Variants in TDRD9 observed in about 807,000 individuals in gnomAD.
TDRD9 encodes the protein ATP-dependent RNA helicase TDRD9.
In TDRD9, 124 loss-of-function variants were observed where a neutral mutation model predicts 172.6. That is an observed-to-expected ratio of 0.72 (90% CI 0.62 to 0.83). TDRD9 has a LOEUF of 0.83. Ranked by LOEUF, TDRD9 falls within the 40% of genes least tolerant of loss-of-function variation. TDRD9 has a pLI of 0.00. For synonymous variants in TDRD9, 619 were observed against 617.1 expected, an observed-to-expected ratio of 1.00 and a Z score of -0.05; for missense variants, 1,479 against 1,714.1, an observed-to-expected ratio of 0.86 and a Z score of 2.42.
chr14:104,037,159 G>T (rs2035474744), intron 32 of TDRD9, among the ~76,000 whole-genome samples: 1 of 152,116 alleles, frequency 6.6e-6, no homozygotes, highest in South Asian at 2.1e-4. Context: ...TCTGCAGCGA[G>T]CAGGAGGGGG....
intron 34 of TDRD9, among the ~76,000 whole-genome samples, chr14:104,043,789 A>G (rs2035679890): frequency 6.6e-6 from 1 of 152,184 alleles, no homozygotes; most frequent in Non-Finnish European, 1.5e-5. Context: ...TGTCAACACA[A>G]CCTAGCTCTT....
At chr14:103,994,805 A>T (rs559098929) in intron 11 of TDRD9, among the ~76,000 whole-genome samples, 67 of 152,206 alleles carry the variant, frequency 4.4e-4, no homozygotes, top group African/African-American at 1.6e-3. Context: ...AAATATAAAA[A>T]TTACCTGAGT....
intron 1 of TDRD9, among the ~76,000 whole-genome samples, chr14:103,951,859 C>G (rs529969567): frequency 1.3e-5 from 2 of 151,576 alleles, no homozygotes; most frequent in Non-Finnish European, 1.5e-5. Context: ...CTCCGCCTCC[C>G]GAGTTCACGC....
chr14:103,977,075 T>C (rs1289692106), intron 7 of TDRD9, among the ~76,000 whole-genome samples: 2 of 152,184 alleles, frequency 1.3e-5, no homozygotes, highest in Non-Finnish European at 2.9e-5. Context: ...AATATCTCAA[T>C]ATGGTTTGGA....
intron 33 of TDRD9, among the ~76,000 whole-genome samples, chr14:104,040,648 C>T (rs1356318130): frequency 6.6e-6 from 1 of 152,238 alleles, no homozygotes; most frequent in Non-Finnish European, 1.5e-5. Flanking sequence ...CTGTGGGTCT[C>T]ATTCCAAGTC....
In TDRD9 at chr14:104,033,956, T is replaced by G. The variant is rs550290342; in HGVS notation, c.3510-4T>G. 7.8e-6 allele frequency: 12 copies of G among 1,541,304 alleles called. No homozygotes were observed. The South Asian group carries it at 1.3e-4, about 17-fold the overall frequency. ...CCCCATCTCCTGGTGCTCCTGCCTT[T>G]TAGGTGTGTTTGGATTGAGAAGGAG... On this transcript the variant is annotated splice_polypyrimidine_tract_variant and splice_region_variant and intron_variant, in intron 30 of 35. Coordinates refer to ENST00000409874, the MANE Select transcript of TDRD9 (RefSeq NM_153046.3).
chr14:103,978,577 T>C (rs2152174494), intron 7 of TDRD9, among the ~76,000 whole-genome samples: 1 of 152,324 alleles, frequency 6.6e-6, no homozygotes, highest in African/African-American at 2.4e-5. Context: ...TCCTCTTGGC[T>C]GTGGTAGTTT....
intron 12 of TDRD9, among the ~76,000 whole-genome samples, chr14:103,998,038 G>T (rs1046789791): frequency 6.6e-6 from 1 of 152,104 alleles, no homozygotes; most frequent in Non-Finnish European, 1.5e-5. Context: ...GAGATCCCCA[G>T]TGCTTTGCCT....
At chr14:104,005,511 T>C (rs1241325597) in intron 15 of TDRD9, 106 bp downstream of exon 15, 1 of 1,247,066 alleles carries the variant, frequency 8.0e-7, no homozygotes, top group African/African-American at 1.5e-5. Context: ...TCCTCCCGCC[T>C]CACTTTCCCG....
rs769345245 is a variant in TDRD9, at chr14:104,025,648, CAACT to C, written c.2804_2807del (p.Gln935ArgfsTer46). ...GAAAAAGCTTACTGCTGAAATCAAC[CAACT>C]GACGCTGGTGCCCTTGCCCACTCAC... On this transcript the variant is annotated frameshift_variant, in exon 26 of 36. Transcript: ENST00000409874. LOFTEE classifies it high-confidence loss of function. 6.2e-7 allele frequency: 1 copy of C among 1,613,860 alleles called. No homozygotes were observed. Among genetic ancestry groups the C allele is most frequent in the Non-Finnish European group, 8.5e-7 (1 of 1,179,896 alleles).
At chr14:103,948,853 A>G (rs893881894) in intron 1 of TDRD9, among the ~76,000 whole-genome samples, 12 of 146,846 alleles carry the variant, frequency 8.2e-5, no homozygotes, top group Non-Finnish European at 1.6e-4. Flanking sequence ...CTTGGGCAAC[A>G]GAGCAAGACC....
At chr14:103,935,338 C>G (rs1158267630) in intron 1 of TDRD9, among the ~76,000 whole-genome samples, 1 of 152,116 alleles carries the variant, frequency 6.6e-6, no homozygotes, top group Non-Finnish European at 1.5e-5. Flanking sequence ...GGGACATGTT[C>G]TTAAGCTAGA....
chr14:103,992,120 T>C (rs960427444), intron 9 of TDRD9, among the ~76,000 whole-genome samples: 1 of 152,196 alleles, frequency 6.6e-6, no homozygotes, highest in Non-Finnish European at 1.5e-5. Context: ...ATCCTTGAGT[T>C]CCCTTCTCAG....
intron 8 of TDRD9, 55 bp from the exon 9 acceptor site, chr14:103,991,105 A>C: frequency 6.2e-7 from 1 of 1,600,730 alleles, no homozygotes; most frequent in Non-Finnish European, 8.6e-7. Context: ...ATTTTAGAGA[A>C]GCAATAGCTG....
intron 8 of TDRD9, among the ~76,000 whole-genome samples, chr14:103,987,585 T>C (rs923927849): frequency 6.6e-6 from 1 of 152,274 alleles, no homozygotes; most frequent in African/African-American, 2.4e-5. Flanking sequence ...TTACACATTT[T>C]GAATTTCATT....
intron 9 of TDRD9, among the ~76,000 whole-genome samples, chr14:103,991,703 G>A (rs1289362779): frequency 6.6e-6 from 1 of 151,922 alleles, no homozygotes; most frequent in Admixed American, 6.6e-5. Flanking sequence ...GAGCCACTGT[G>A]CCCGGCCAAC....
At chr14:103,973,261 G>T (rs539161408) in intron 6 of TDRD9, among the ~76,000 whole-genome samples, 4 of 152,244 alleles carry the variant, frequency 2.6e-5, no homozygotes, top group African/African-American at 4.8e-5. Context: ...TTTGTAAGAG[G>T]TTTTTAAAAA....
In TDRD9 at chr14:103,966,836, G is replaced by A. The variant is rs1440852603; in HGVS notation, c.765+5G>A. 1.1e-4 allele frequency: 175 copies of A among 1,547,988 alleles called. No homozygotes were observed. Among genetic ancestry groups the A allele is most frequent in the Non-Finnish European group, 1.4e-4 (166 of 1,145,416 alleles). ...ACACATATCATCATTGATGAAGTAA[G>A]TGATGTCATCTACTTGTAAAGGTCA... On this transcript the variant is annotated splice_donor_5th_base_variant and intron_variant, in intron 5 of 35. Coordinates refer to ENST00000409874, the MANE Select transcript of TDRD9 (RefSeq NM_153046.3).
intron 22 of TDRD9, 85 bp downstream of exon 22, chr14:104,016,173 C>T: frequency 2.1e-6 from 2 of 953,466 alleles, no homozygotes; most frequent in Non-Finnish European, 3.2e-6. Flanking sequence ...TCTTGTGAGT[C>T]CTAAGTGAAT....
Sources: allele counts gnomAD v4.1 joint callset (sites outside exome capture counted in the v4.1 genomes callset), GRCh38; gene constraint gnomAD v4.1.1; transcripts MANE v1.5; gene names NCBI Gene and HGNC (gene_info 2026-07-23, HGNC 2026-07-21).